NFATC2: variants seen among roughly 807,000 people sequenced by gnomAD.
The protein encoded by NFATC2 is nuclear factor of activated T cells 2, also known as nuclear factor of activated T-cells, cytoplasmic 2.
In NFATC2, 22 loss-of-function variants were observed where a neutral mutation model predicts 87.3. The ratio of observed to expected loss-of-function variants is 0.25; its 90% CI spans 0.18 to 0.36. The LOEUF is 0.36. NFATC2 is among the 10% of genes least tolerant of loss of function. NFATC2 has a pLI of 1.00. For synonymous variants in NFATC2, 565 were observed against 542.2 expected, an observed-to-expected ratio of 1.04 and a Z score of -0.58; for missense variants, 1,149 against 1,259.1, an observed-to-expected ratio of 0.91 and a Z score of 1.32.
intron 1 of NFATC2, among the ~76,000 whole-genome samples, chr20:51,557,893 G>C (rs1475932566): frequency 6.6e-6 from 1 of 152,162 alleles, no homozygotes; most frequent in Non-Finnish European, 1.5e-5. Context: ...AAATCTGTTG[G>C]AGGACATGGA....
rs1885124 is a variant in NFATC2, at chr20:51,469,948, A to C, written c.1708+4032T>G. ...AGTAATTGATTATGACAGCCTAGGA[A>C]ACTAACATAAGAGGGAAGCAGGCGC... On this transcript the variant is annotated intron_variant, in intron 5 of 10. Transcript: ENST00000371564. 4.7e-3 allele frequency among the ~76,000 whole-genome samples: 720 copies of C among 152,310 alleles called. 6 individuals carry two copies. The highest frequency in any genetic ancestry group is 0.017 in the African/African-American group (697 of 41,564).
intron 1 of NFATC2, among the ~76,000 whole-genome samples, chr20:51,539,533 G>C (rs1021306960): frequency 6.6e-6 from 1 of 152,174 alleles, no homozygotes. Flanking sequence ...CCATGGGCTG[G>C]AGTGCAGTGG....
intron 9 of NFATC2, among the ~76,000 whole-genome samples, chr20:51,423,064 G>A (rs1981193999): frequency 6.6e-6 from 1 of 151,922 alleles, no homozygotes; most frequent in Non-Finnish European, 1.5e-5. Flanking sequence ...GAGGCGAGAG[G>A]ATCACTTGAG....
At chr20:51,429,572 G>A (rs1274139378) in intron 9 of NFATC2, among the ~76,000 whole-genome samples, 1 of 152,184 alleles carries the variant, frequency 6.6e-6, no homozygotes, top group African/African-American at 2.4e-5. Flanking sequence ...CACGACTCCC[G>A]GGCCTCCATT....
Position 51,542,512 on chromosome 20 carries a change from G to T in NFATC2, c.-13C>A. 6.9e-7 allele frequency: 1 copy of T among 1,445,960 alleles called. No individual in the cohort carries two copies. The highest frequency in any genetic ancestry group is 1.5e-5 in the South Asian group (1 of 66,496). The allele number at this position is 1,445,960 out of a possible 1,614,324, so 89.6% of individuals were successfully genotyped here. ...CGGGGGCGTTCATGGCGCGCAGGGC[G>T]GGAAGGCTGCGGGGCCGGGGGCGAG... is the stretch of plus-strand genomic sequence containing the variant. On this transcript the variant is annotated 5_prime_UTR_variant, in exon 1 of 11. Coordinates refer to ENST00000371564, the MANE Select transcript of NFATC2 (RefSeq NM_012340.5).
intron 6 of NFATC2, among the ~76,000 whole-genome samples, chr20:51,443,167 A>C (rs1600741263): frequency 6.6e-6 from 1 of 150,844 alleles, no homozygotes. Context: ...GCTCAGGGAG[A>C]CCCCCCCTTC....
intron 9 of NFATC2, among the ~76,000 whole-genome samples, chr20:51,420,926 T>C (rs570650952): frequency 2.8e-4 from 42 of 152,210 alleles, no homozygotes; most frequent in African/African-American, 5.5e-4. Context: ...CTAGGCACCA[T>C]AGCAGGCACC....
chr20:51,485,936 A>G, intron 3 of NFATC2, among the ~76,000 whole-genome samples: 1 of 152,160 alleles, frequency 6.6e-6, no homozygotes, highest in Admixed American at 6.5e-5. Context: ...CAGTGCTAAC[A>G]TGTCATGATC....
intron 3 of NFATC2, among the ~76,000 whole-genome samples, chr20:51,491,645 C>CAT (rs1324692173): frequency 6.6e-6 from 1 of 152,056 alleles, no homozygotes; most frequent in African/African-American, 2.4e-5. Flanking sequence ...ACCTCAGGCA[C>CAT]ATAGGTCAGA....
chr20:51,397,082 G>A (rs1439997898), intron 10 of NFATC2, among the ~76,000 whole-genome samples: 2 of 151,178 alleles, frequency 1.3e-5, no homozygotes, highest in Non-Finnish European at 1.5e-5. Context: ...TAGTAGTGAC[G>A]GGGTTTCACC....
intron 9 of NFATC2, among the ~76,000 whole-genome samples, chr20:51,421,349 C>T (rs998352858): frequency 3.3e-5 from 5 of 152,314 alleles, no homozygotes; most frequent in East Asian, 1.9e-4. Flanking sequence ...GGAACACTTT[C>T]GAAGGCCCCG....
chr20:51,558,111 T>C (rs2051978479), intron 1 of NFATC2, among the ~76,000 whole-genome samples: 1 of 152,122 alleles, frequency 6.6e-6, no homozygotes, highest in African/African-American at 2.4e-5. Context: ...GAGGCCAAGA[T>C]GGGAGTATTA....
At chr20:51,393,201 A>G (rs1413821552) in intron 10 of NFATC2, among the ~76,000 whole-genome samples, 1 of 152,158 alleles carries the variant, frequency 6.6e-6, no homozygotes. Flanking sequence ...CGGATTCTGG[A>G]GCCAGCGGGG....
At chr20:51,464,660 C>T (rs538447771) in intron 5 of NFATC2, among the ~76,000 whole-genome samples, 12 of 73,634 alleles carry the variant, frequency 1.6e-4, no homozygotes, top group Admixed American at 1.5e-3. Context: ...AATCTAGTGC[C>T]GGGGGGTGGG....
chr20:51,455,723 G>A (rs1600770937), intron 5 of NFATC2, among the ~76,000 whole-genome samples: 1 of 25,504 alleles, frequency 3.9e-5, no homozygotes, highest in African/African-American at 1.8e-4. Flanking sequence ...TGGGTGGGTG[G>A]GTGGATGGGT....
intron 5 of NFATC2, among the ~76,000 whole-genome samples, chr20:51,460,269 G>T (rs771390017): frequency 6.6e-6 from 1 of 152,162 alleles, no homozygotes; most frequent in Non-Finnish European, 1.5e-5. Context: ...TTCAGTGAAG[G>T]GCAGCACGTG....
intron 3 of NFATC2, among the ~76,000 whole-genome samples, chr20:51,488,435 T>C (rs957829470): frequency 2.0e-5 from 3 of 152,164 alleles, no homozygotes; most frequent in African/African-American, 7.2e-5. Context: ...TTGTAGGGTG[T>C]TTGTCAGCAT....
At chr20:51,529,023 C>T (rs931513753) in intron 1 of NFATC2, among the ~76,000 whole-genome samples, 1 of 152,126 alleles carries the variant, frequency 6.6e-6, no homozygotes, top group South Asian at 2.1e-4. Context: ...CACACACACA[C>T]GCCTTCCTAG....
chr20:51,545,442 T>C (rs2076881091), upstream of NFATC2, among the ~76,000 whole-genome samples: 1 of 152,226 alleles, frequency 6.6e-6, no homozygotes. Flanking sequence ...GAGAATTTTA[T>C]CTCCACTAAC....
Sources: allele counts gnomAD v4.1 joint callset (sites outside exome capture counted in the v4.1 genomes callset), GRCh38; gene constraint gnomAD v4.1.1; transcripts MANE v1.5; gene names NCBI Gene and HGNC (gene_info 2026-07-23, HGNC 2026-07-21).